The following LIF variants were observed in gnomAD, a reference collection of about 807,000 sequenced individuals.
LIF encodes the protein LIF interleukin 6 family cytokine.
In LIF, 9 loss-of-function variants were observed where a neutral mutation model predicts 15.0. The observed-to-expected ratio is 0.60, with a 90% CI of 0.36 to 1.04. The LOEUF (loss-of-function observed/expected upper bound fraction) is 1.04, where lower values mean the gene tolerates loss of function less well. LIF is among the 50% of genes least tolerant of loss of function. The pLI is 0.01. For missense variants in LIF, 240 were observed against 266.7 expected (o/e 0.90, Z 0.70); for synonymous variants, 122 against 119.7 (o/e 1.02, Z -0.13).
rs1023557580 is a variant in LIF, at chr22:30,243,351, T to C, written c.*300A>G. ...TGTGTAGTTTGTTCACTGCACAAAG[T>C]GAGCAAGGGGCCAAAGGGACAAGTA... On this transcript the variant is annotated 3_prime_UTR_variant, in exon 3 of 3. Coordinates refer to ENST00000249075, the MANE Select transcript of LIF (RefSeq NM_002309.5). This position sits in a 1 kb window ranked among gnomAD's most constrained non-coding sequence, Gnocchi z 6.0. The C allele has an allele frequency of 1.4e-5, 7 of 498,208 alleles. No homozygotes were observed. Among genetic ancestry groups the C allele is most frequent in the Non-Finnish European group, 1.8e-5 (5 of 272,094 alleles). The allele number at this position is 498,208 out of a possible 1,614,324, so 30.9% of individuals were successfully genotyped here. A position where few individuals can be genotyped will look rare whatever the true frequency, so the allele number is the denominator to read the frequency against.
At chr22:30,244,582 G>A (rs1369361977) in intron 2 of LIF, among the ~76,000 whole-genome samples, 173 bp downstream of exon 2, 2 of 152,080 alleles carry the variant, frequency 1.3e-5, no homozygotes, top group African/African-American at 4.8e-5. Flanking sequence ...AAGCTTCCCT[G>A]GGGAAGCTTG....
chr22:30,246,533 C>G, intron 1 of LIF, 144 bp downstream of exon 1: 1 of 1,319,030 alleles, frequency 7.6e-7, no homozygotes, highest in South Asian at 2.1e-5. Context: ...GGCCGCCACC[C>G]AGCGCCTCCG....
chr22:30,244,118 G>A (rs1018278425), intron 2 of LIF, 57 bp from the exon 3 acceptor site: 44 of 1,520,158 alleles, frequency 2.9e-5, no homozygotes, highest in African/African-American at 1.4e-4. Flanking sequence ...CAGCCCTGCC[G>A]CCAACCCTTT....
chr22:30,245,809 G>T (rs970892017), intron 1 of LIF, among the ~76,000 whole-genome samples: 1 of 152,212 alleles, frequency 6.6e-6, no homozygotes, highest in East Asian at 1.9e-4. Context: ...AAAGGCAAAA[G>T]GTCATAGGCA....
chr22:30,245,077 G>A, intron 1 of LIF, 144 bp from the exon 2 acceptor site: 1 of 756,714 alleles, frequency 1.3e-6, no homozygotes, highest in South Asian at 1.5e-5. Flanking sequence ...TCTTCCTGGG[G>A]CCTAGTCTTC....
At position 30,244,919 on chromosome 22, in the gene LIF, G is replaced by A. The variant is rs781081584; in HGVS notation, c.34C>T (p.Leu12=). The change falls in exon 2 of 3, where the codon CTG becomes TTG. Residue 12 remains leucine, a synonymous_variant. Coordinates refer to ENST00000249075, the MANE Select transcript of LIF (RefSeq NM_002309.5). Reference sequence around the variant, plus strand: ...CCATGTTTCCAGTGCAGAACCAACAGCAGGGGCACAACTCCTGGGGACAGT... The same window carrying A: ...CCATGTTTCCAGTGCAGAACCAACAACAGGGGCACAACTCCTGGGGACAGT... ...KVLAAGVVPL[L]LVLHWKHGAG... 1 of 1,614,086 alleles carries A rather than the reference G, an allele frequency of 6.2e-7. No homozygotes were observed. The highest frequency in any genetic ancestry group is 1.1e-5 in the South Asian group (1 of 91,086).
intron 1 of LIF, 125 bp downstream of exon 1, chr22:30,246,552 G>T: frequency 1.5e-6 from 2 of 1,355,044 alleles, no homozygotes; most frequent in Non-Finnish European, 1.9e-6. Flanking sequence ...CGGTGGCTGC[G>T]CGGGCGCCCC....
At position 30,241,787 on chromosome 22, in the gene LIF, C is replaced by T. The variant is rs1293014093; in HGVS notation, c.*1864G>A. ...GGGCGTTTCTCCACTCGCCTGGCCC[C>T]AGCACAAAGGAAGAGATCGGGTTCC... is the stretch of plus-strand genomic sequence containing the variant. On this transcript the variant is annotated 3_prime_UTR_variant, in exon 3 of 3. Coordinates refer to ENST00000249075, the MANE Select transcript of LIF (RefSeq NM_002309.5). The surrounding 1 kb of genome is among the most constrained non-coding windows in gnomAD (Gnocchi z 4.4). The T allele has an allele frequency of 6.6e-6, 1 of 152,474 alleles. No individual in the cohort carries two copies. The highest frequency in any genetic ancestry group is 1.5e-5 in the Non-Finnish European group (1 of 68,158). 9.4% of individuals were successfully genotyped at this position (152,474 alleles called of 1,614,324 possible).
In LIF at chr22:30,241,946, C is replaced by G. The variant is rs1427194461; in HGVS notation, c.*1705G>C. 6.5e-6 allele frequency: 1 copy of G among 152,856 alleles called. No homozygotes were observed. Among genetic ancestry groups the G allele is most frequent in the Non-Finnish European group, 1.5e-5 (1 of 68,216 alleles). The allele number at this position is 152,856 out of a possible 1,614,324, so 9.5% of individuals were successfully genotyped here. On this transcript the variant is annotated 3_prime_UTR_variant, in exon 3 of 3. Transcript: ENST00000249075. This position sits in a 1 kb window ranked among gnomAD's most constrained non-coding sequence, Gnocchi z 4.4. ...GGGAGCAATGGGCAGCTGATCCCCC[C>G]AGTCTACCCCACCTTCCTGGGGTCT...
At chr22:30,246,255 C>T (rs1928885483) in intron 1 of LIF, 1 of 185,730 alleles carries the variant, frequency 5.4e-6, no homozygotes, top group Non-Finnish European at 1.0e-5. Flanking sequence ...CTGCTCGCCG[C>T]CCGCGCCCCT....
rs1928653800 is a variant in LIF, at chr22:30,241,163, G to C, written c.*2488C>G. 1 of 152,344 alleles carries C rather than the reference G, an allele frequency of 6.6e-6. No homozygotes were observed. Among genetic ancestry groups the C allele is most frequent in the Non-Finnish European group, 1.5e-5 (1 of 68,116 alleles). The allele number at this position is 152,344 out of a possible 1,614,324, so 9.4% of individuals were successfully genotyped here. ...GCCAAGCTGCCGGACGGGATCTGGA[G>C]GGAGCACTGAGGATGGGTCCCATGG... On this transcript the variant is annotated 3_prime_UTR_variant, in exon 3 of 3. Coordinates refer to ENST00000249075, the MANE Select transcript of LIF (RefSeq NM_002309.5). The surrounding 1 kb of genome is among the most constrained non-coding windows in gnomAD (Gnocchi z 4.4).
In LIF at chr22:30,243,542, C is replaced by A; in HGVS notation, c.*109G>T. The A allele has an allele frequency of 7.2e-7, 1 of 1,398,534 alleles. No individual in the cohort carries two copies. Among genetic ancestry groups the A allele is most frequent in the Admixed American group, 1.7e-5 (1 of 59,114 alleles). 86.6% of individuals were successfully genotyped at this position (1,398,534 alleles called of 1,614,324 possible). On this transcript the variant is annotated 3_prime_UTR_variant, in exon 3 of 3. Transcript: ENST00000249075. The surrounding 1 kb of genome is among the most constrained non-coding windows in gnomAD (Gnocchi z 6.0). ...CACCCTCGGGGTCTGCCAGCAGCCC[C>A]CATTTGGGTTTAGCGATGCCCTGGG...
Position 30,243,849 on chromosome 22 carries a change from G to A in LIF, c.411C>T (p.Leu137=). Reference sequence around the variant, plus strand: ...CTCGCAGGATGTCGGCGGTGGCGTTGAGCTTGCTGTGGAGGCTGAGGGCAC... The same window carrying A: ...CTCGCAGGATGTCGGCGGTGGCGTTAAGCTTGCTGTGGAGGCTGAGGGCAC... The part of the protein sequence containing the change: ...NPSALSLHSK[L]NATADILRGL... Residue 137 remains leucine, a synonymous_variant, in exon 3 of 3, where the codon CTC becomes CTT. Coordinates refer to ENST00000249075, the MANE Select transcript of LIF (RefSeq NM_002309.5). This position sits in a 1 kb window ranked among gnomAD's most constrained non-coding sequence, Gnocchi z 6.0. The A allele has an allele frequency of 6.2e-7, 1 of 1,614,256 alleles. No individual in the cohort carries two copies. The highest frequency in any genetic ancestry group is 1.3e-5 in the African/African-American group (1 of 75,074).
intron 1 of LIF, chr22:30,246,419 A>T: frequency 8.7e-7 from 1 of 1,150,276 alleles, no homozygotes; most frequent in Non-Finnish European, 1.1e-6. Context: ...GGAGAAGGAG[A>T]GGGGGAAGAA....
At chr22:30,245,614 G>T (rs1347524355) in intron 1 of LIF, among the ~76,000 whole-genome samples, 1 of 151,178 alleles carries the variant, frequency 6.6e-6, no homozygotes, top group Non-Finnish European at 1.5e-5. Context: ...ATTTCTGCCT[G>T]GCTGTCCCCA....
chr22:30,240,977 G>A lies in LIF; in HGVS notation c.*2674C>T, dbSNP rs1306187588. 6.6e-6 allele frequency: 1 copy of A among 152,242 alleles called. No individual in the cohort carries two copies. Among genetic ancestry groups the A allele is most frequent in the Non-Finnish European group, 1.5e-5 (1 of 68,050 alleles). The allele number at this position is 152,242 out of a possible 1,614,324, so 9.4% of individuals were successfully genotyped here. A position where few individuals can be genotyped will look rare whatever the true frequency, so the allele number is the denominator to read the frequency against. On this transcript the variant is annotated 3_prime_UTR_variant, in exon 3 of 3. Transcript: ENST00000249075. The stretch of plus-strand genomic sequence containing the variant: ...AAAAAAATGTTTAAATAATAAATAA[G>A]GGCCCGGAGACATCTCTCTTGGTAA...
chr22:30,243,980 C>T lies in LIF; in HGVS notation c.280G>A (p.Ala94Thr), dbSNP rs114631508. Reference protein sequence around the residue: ...PNVTDFPPFHANGTEKAKLVE... With the variant: ...PNVTDFPPFHTNGTEKAKLVE... ...AGCTTGGCCTTCTCCGTGCCGTTGG[C>T]GTGGAAGGGCGGGAAGTCCGTCACG... The change falls in exon 3 of 3, where the codon GCC becomes ACC. Residue 94 changes from alanine (A) to threonine (T), a missense_variant. Transcript: ENST00000249075. This position sits in a 1 kb window ranked among gnomAD's most constrained non-coding sequence, Gnocchi z 6.0. The T allele has an allele frequency of 3.1e-3, 5,059 of 1,613,878 alleles. 137 individuals are homozygous for T. The African/African-American group carries it at 0.058, about 18-fold the overall frequency.
chr22:30,246,624 C>G (rs1928908747), intron 1 of LIF, 53 bp downstream of exon 1: 1 of 1,536,664 alleles, frequency 6.5e-7, no homozygotes, highest in South Asian at 1.2e-5. Flanking sequence ...CCCCAAGTTG[C>G]CGCCGCGCCC....
In LIF at chr22:30,243,960, G is replaced by A; in HGVS notation, c.300C>T (p.Ala100=). The A allele has an allele frequency of 6.2e-7, 1 of 1,614,154 alleles. No individual in the cohort carries two copies. Among genetic ancestry groups the A allele is most frequent in the African/African-American group, 1.3e-5 (1 of 75,046 alleles). The change falls in exon 3 of 3, where the codon GCC becomes GCT. Residue 100 remains alanine, a synonymous_variant. Coordinates refer to ENST00000249075, the MANE Select transcript of LIF (RefSeq NM_002309.5). This position sits in a 1 kb window ranked among gnomAD's most constrained non-coding sequence, Gnocchi z 6.0. ...CTATGCGGTACAGCTCCACCAGCTT[G>A]GCCTTCTCCGTGCCGTTGGCGTGGA... ...PPFHANGTEK[A]KLVELYRIVV...
Sources: gnomAD v4.1 joint callset for allele counts (sites outside exome capture counted in the v4.1 genomes callset) on GRCh38, gnomAD v4.1.1 for gene constraint, Gnocchi (gnomAD v3.1) non-coding constraint, MANE v1.5 for transcripts, NCBI Gene and HGNC (gene_info 2026-07-23, HGNC 2026-07-21) for gene names.